TPTE: variants seen among roughly 807,000 people sequenced by gnomAD.
TPTE encodes the protein putative tyrosine-protein phosphatase TPTE.
In TPTE, 59 loss-of-function variants were observed where a neutral mutation model predicts 84.1. The observed-to-expected ratio is 0.70, with a 90% CI of 0.57 to 0.87. The LOEUF (loss-of-function observed/expected upper bound fraction) is 0.87, where lower values mean the gene tolerates loss of function less well. Among genes scored for constraint, TPTE ranks in the 40% least tolerant of loss-of-function variants. The pLI, the probability that TPTE is intolerant of heterozygous loss-of-function variation, is 0.00. For missense variants in TPTE, 382 were observed against 659.6 expected (o/e 0.58, Z 4.61); for synonymous variants, 130 against 223.5 (o/e 0.58, Z 3.73).
At chr21:10,560,060 G>A (rs2074765368) in intron 9 of TPTE, among the ~76,000 whole-genome samples, 1 of 152,298 alleles carries the variant, frequency 6.6e-6, no homozygotes, top group South Asian at 2.1e-4. Flanking sequence ...ATTTATCATG[G>A]AATTTTGGTT....
At chr21:10,587,611 G>T (rs1216283025) in intron 17 of TPTE, among the ~76,000 whole-genome samples, 1 of 152,252 alleles carries the variant, frequency 6.6e-6, no homozygotes, top group African/African-American at 2.4e-5. Flanking sequence ...GTGCAATGGC[G>T]CAGTCTTGGC....
At chr21:10,579,042 A>C (rs1233539167) in intron 17 of TPTE, among the ~76,000 whole-genome samples, 1 of 152,308 alleles carries the variant, frequency 6.6e-6, no homozygotes, top group African/African-American at 2.4e-5. Flanking sequence ...ATAGGTAAAC[A>C]TTGTGAAATG....
At chr21:10,552,486 G>A (rs2074595039) in intron 7 of TPTE, among the ~76,000 whole-genome samples, 171 bp from the exon 8 acceptor site, 1 of 152,310 alleles carries the variant, frequency 6.6e-6, no homozygotes, top group Non-Finnish European at 1.5e-5. Context: ...AGAGTTTCTG[G>A]TTAATGATTG....
At chr21:10,556,087 C>T (rs1422423033) in intron 8 of TPTE, among the ~76,000 whole-genome samples, 3 of 152,304 alleles carry the variant, frequency 2.0e-5, no homozygotes, top group African/African-American at 7.2e-5. Flanking sequence ...TGCATGTGCA[C>T]AATGTGCAGG....
chr21:10,560,462 G>T (rs1326003634), intron 9 of TPTE, among the ~76,000 whole-genome samples: 1 of 152,310 alleles, frequency 6.6e-6, no homozygotes, highest in Non-Finnish European at 1.5e-5. Context: ...ATATGTAACA[G>T]CAAGTGGCAG....
chr21:10,593,658 A>T (rs2075527433), intron 19 of TPTE, among the ~76,000 whole-genome samples: 1 of 152,308 alleles, frequency 6.6e-6, no homozygotes, highest in Admixed American at 6.5e-5. Flanking sequence ...TAAATTAGAA[A>T]ATTGAGGTTT....
chr21:10,556,114 G>A (rs1281232241), intron 8 of TPTE, among the ~76,000 whole-genome samples: 1 of 152,300 alleles, frequency 6.6e-6, no homozygotes, highest in Non-Finnish European at 1.5e-5. Flanking sequence ...ACATATTCAT[G>A]CATGTGCCAT....
intron 3 of TPTE, among the ~76,000 whole-genome samples, chr21:10,536,517 G>T (rs1186592114): frequency 2.0e-5 from 3 of 152,420 alleles, no homozygotes; most frequent in African/African-American, 7.2e-5. Context: ...AATATTTAAA[G>T]AAATATATAT....
At chr21:10,563,273 A>C (rs1449840988) in intron 10 of TPTE, among the ~76,000 whole-genome samples, 105 of 152,364 alleles carry the variant, frequency 6.9e-4, no homozygotes, top group African/African-American at 2.4e-3. Context: ...TTCAATCAGA[A>C]AGATAAGGAC....
chr21:10,536,738 A>G (rs1600862594), intron 3 of TPTE, among the ~76,000 whole-genome samples: 1 of 152,308 alleles, frequency 6.6e-6, no homozygotes, highest in Non-Finnish European at 1.5e-5. Flanking sequence ...CAACTTTTTG[A>G]TTAAATTGGA....
chr21:10,591,397 A>G (rs1279636499), intron 18 of TPTE, among the ~76,000 whole-genome samples: 1 of 152,304 alleles, frequency 6.6e-6, no homozygotes, highest in Non-Finnish European at 1.5e-5. Flanking sequence ...AGATTTTGAA[A>G]ATGGGTGTTC....
chr21:10,548,048 C>T (rs138824223), intron 7 of TPTE, among the ~76,000 whole-genome samples: 508 of 152,188 alleles, frequency 3.3e-3, no homozygotes, highest in Non-Finnish European at 5.4e-3. Context: ...CTGGCGTGCC[C>T]AGTAGCCCTC....
chr21:10,574,748 G>T (rs2075117512), intron 14 of TPTE, among the ~76,000 whole-genome samples: 1 of 152,308 alleles, frequency 6.6e-6, no homozygotes, highest in Non-Finnish European at 1.5e-5. Context: ...GTGCAGTCCT[G>T]CCCGGGAAAC....
intron 20 of TPTE, among the ~76,000 whole-genome samples, chr21:10,596,491 C>T (rs1304029503): frequency 1.6e-4 from 25 of 152,306 alleles, no homozygotes; most frequent in East Asian, 3.9e-4. Flanking sequence ...GAGGTGTCTC[C>T]GTATCGTATC....
intron 21 of TPTE, among the ~76,000 whole-genome samples, chr21:10,600,140 CTTT>C (rs71217979): frequency 4.2e-5 from 6 of 142,470 alleles, no homozygotes; most frequent in Admixed American, 6.9e-5. Context: ...TTTTCTTTTT[CTTT>C]TTTTTTTTTT....
At chr21:10,545,288 A>G (rs1327554431) in intron 7 of TPTE, among the ~76,000 whole-genome samples, 1 of 151,728 alleles carries the variant, frequency 6.6e-6, no homozygotes. Context: ...ATTGTGATTC[A>G]TTAGTTTGTT....
At chr21:10,547,922 A>T (rs1420432580) in intron 7 of TPTE, among the ~76,000 whole-genome samples, 8 of 152,302 alleles carry the variant, frequency 5.3e-5, no homozygotes, top group Non-Finnish European at 1.2e-4. Flanking sequence ...CCCAAGTGGG[A>T]GAGGCCCCTA....
At chr21:10,543,198 T>G in intron 6 of TPTE, 131 bp from the exon 7 acceptor site, 1 of 1,274,096 alleles carries the variant, frequency 7.8e-7, no homozygotes, top group South Asian at 1.3e-5. Context: ...CCCAGCTAAT[T>G]TTTTTTTGTA....
intron 7 of TPTE, among the ~76,000 whole-genome samples, chr21:10,547,637 A>C (rs1166791131): frequency 2.0e-5 from 3 of 152,310 alleles, no homozygotes; most frequent in South Asian, 2.1e-4. Context: ...CATCTGGAGA[A>C]CAGAGTCATC....
Sources: allele counts gnomAD v4.1 joint callset (sites outside exome capture counted in the v4.1 genomes callset), GRCh38; gene constraint gnomAD v4.1.1; transcripts MANE v1.5; gene names NCBI Gene and HGNC (gene_info 2026-07-23, HGNC 2026-07-21).